COPG2: variants seen among roughly 807,000 people sequenced by gnomAD.
COPG2 encodes coatomer subunit gamma-2.
In COPG2, 37 loss-of-function variants were observed where a neutral mutation model predicts 46.3. That is an observed-to-expected ratio of 0.80 (90% CI 0.61 to 1.05). The LOEUF (loss-of-function observed/expected upper bound fraction) is 1.05, where lower values mean the gene tolerates loss of function less well. COPG2 is among the 50% of genes least tolerant of loss of function. The pLI, the probability that COPG2 is intolerant of heterozygous loss-of-function variation, is 0.00. For missense variants in COPG2, 427 were observed against 387.8 expected (o/e 1.10, Z -0.85); for synonymous variants, 159 against 129.7 (o/e 1.23, Z -1.53).
chr7:130,538,821 A>G (rs1203210240), intron 20 of COPG2, among the ~76,000 whole-genome samples: 14 of 152,240 alleles, frequency 9.2e-5, no homozygotes, highest in African/African-American at 2.9e-4. Flanking sequence ...AGGGAGCCTG[A>G]GAGGATGGAG....
intron 4 of COPG2, among the ~76,000 whole-genome samples, chr7:130,660,484 C>G (rs1467348081): frequency 2.0e-5 from 3 of 152,116 alleles, no homozygotes; most frequent in Non-Finnish European, 4.4e-5. Context: ...CTCCCATAAC[C>G]CTCATACCAC....
At chr7:130,667,980 C>A (rs555488552) in intron 1 of COPG2, among the ~76,000 whole-genome samples, 1 of 152,134 alleles carries the variant, frequency 6.6e-6, no homozygotes, top group Non-Finnish European at 1.5e-5. Flanking sequence ...CTAACCCAAC[C>A]CCCTCTCACA....
chr7:130,523,818 G>A (rs898510940), intron 20 of COPG2, among the ~76,000 whole-genome samples: 2 of 152,140 alleles, frequency 1.3e-5, no homozygotes, highest in East Asian at 3.9e-4. Flanking sequence ...CGTGGAAGGA[G>A]AGCGTCTTGA....
chr7:130,624,907 C>A (rs4458812), intron 5 of COPG2, among the ~76,000 whole-genome samples: 1 of 152,152 alleles, frequency 6.6e-6, no homozygotes, highest in African/African-American at 2.4e-5. Flanking sequence ...ATAATGACTT[C>A]TTTTCCTTCG....
intron 9 of COPG2, among the ~76,000 whole-genome samples, chr7:130,585,988 AG>A (rs1794260155): frequency 1.3e-5 from 2 of 152,094 alleles, no homozygotes; most frequent in South Asian, 4.1e-4. Context: ...GAGGAAAAGA[AG>A]TCATTATATA....
intron 20 of COPG2, chr7:130,511,103 G>A (rs1315112556): frequency 2.4e-6 from 1 of 419,182 alleles, no homozygotes; most frequent in Non-Finnish European, 4.7e-6. Flanking sequence ...TAAGACAGGA[G>A]AGGGACATGT....
chr7:130,617,729 C>T (rs1472643670), intron 5 of COPG2, among the ~76,000 whole-genome samples: 1 of 152,170 alleles, frequency 6.6e-6, no homozygotes, highest in Non-Finnish European at 1.5e-5. Context: ...CCAAAATGGT[C>T]TACAACTCTG....
chr7:130,571,591 A>C (rs1793900420), intron 9 of COPG2, among the ~76,000 whole-genome samples: 1 of 152,152 alleles, frequency 6.6e-6, no homozygotes. Flanking sequence ...TTCTACACTG[A>C]TGGTGGGAAT....
intron 5 of COPG2, among the ~76,000 whole-genome samples, chr7:130,632,901 C>A (rs555643552): frequency 8.3e-4 from 127 of 152,212 alleles, no homozygotes; most frequent in African/African-American, 2.7e-3. Flanking sequence ...TCTAGCCCCC[C>A]ACCCCGAGAC....
At chr7:130,603,970 AAAGT>A (rs1483530968) in intron 9 of COPG2, 3 of 423,614 alleles carry the variant, frequency 7.1e-6, no homozygotes, top group East Asian at 7.1e-5. Flanking sequence ...TTCTTACAAT[AAAGT>A]AAGCTAGAGA....
chr7:130,541,077 C>T (rs935030573), intron 20 of COPG2, among the ~76,000 whole-genome samples: 50 of 152,192 alleles, frequency 3.3e-4, no homozygotes, highest in Middle Eastern at 3.4e-3. Context: ...GAGGGGAAGA[C>T]GCACGTGCAG....
At chr7:130,627,272 G>C (rs1352673268) in intron 5 of COPG2, among the ~76,000 whole-genome samples, 3 of 152,204 alleles carry the variant, frequency 2.0e-5, no homozygotes, top group Non-Finnish European at 4.4e-5. Flanking sequence ...AGCAAAAAGA[G>C]AACGCAGATA....
chr7:130,536,526 A>G (rs1207386541), intron 20 of COPG2, among the ~76,000 whole-genome samples: 3 of 152,234 alleles, frequency 2.0e-5, no homozygotes, highest in Admixed American at 1.3e-4. Flanking sequence ...GAAGAAACCC[A>G]GCCCAAAAGA....
intron 13 of COPG2, 57 bp downstream of exon 13, chr7:130,554,980 G>T: frequency 2.5e-6 from 1 of 398,102 alleles, no homozygotes; most frequent in South Asian, 1.3e-4. Flanking sequence ...GGTATTTCAT[G>T]GCAATCCTAA....
At chr7:130,617,998 G>A (rs1794977988) in intron 5 of COPG2, among the ~76,000 whole-genome samples, 1 of 150,970 alleles carries the variant, frequency 6.6e-6, no homozygotes, top group South Asian at 2.1e-4. Flanking sequence ...CTACTTGGGA[G>A]GTTGAGGTGG....
chr7:130,606,240 A>AAG (rs145785936), intron 9 of COPG2, among the ~76,000 whole-genome samples: 30,703 of 149,040 alleles, frequency 0.21, 3,274 homozygotes, highest in Middle Eastern at 0.29. Context: ...AAAAAAAAGA[A>AAG]AGAGAGAGAG....
chr7:130,607,758 G>A (rs782575002), intron 9 of COPG2: 4 of 520,050 alleles, frequency 7.7e-6, no homozygotes, highest in Non-Finnish European at 1.5e-5. Context: ...ACCTCAAACT[G>A]TTTTGACCAC....
chr7:130,623,989 A>G (rs1795078705), intron 5 of COPG2, among the ~76,000 whole-genome samples: 1 of 152,184 alleles, frequency 6.6e-6, no homozygotes, highest in Non-Finnish European at 1.5e-5. Context: ...ATTTTTCATA[A>G]TTCTGGAGTC....
chr7:130,607,993 C>G (rs535288455), intron 9 of COPG2, among the ~76,000 whole-genome samples: 1 of 152,232 alleles, frequency 6.6e-6, no homozygotes, highest in East Asian at 1.9e-4. Flanking sequence ...GTACTAATGT[C>G]AATTATTATT....
Sources: gnomAD v4.1 joint callset for allele counts (sites outside exome capture counted in the v4.1 genomes callset) on GRCh38, gnomAD v4.1.1 for gene constraint, MANE v1.5 for transcripts, NCBI Gene and HGNC (gene_info 2026-07-23, HGNC 2026-07-21) for gene names.